ELP1: variants seen among roughly 807,000 people sequenced by gnomAD.
ELP1 encodes elongator complex protein 1.
In ELP1, 131 loss-of-function variants were observed where a neutral mutation model predicts 183.2. That is an observed-to-expected ratio of 0.72 (90% CI 0.62 to 0.83). The LOEUF (loss-of-function observed/expected upper bound fraction) is 0.83, where lower values mean the gene tolerates loss of function less well. Among genes scored for constraint, ELP1 ranks in the 40% least tolerant of loss-of-function variants. The probability of loss-of-function intolerance (pLI) is 0.00; values close to 1 mark genes in which losing one functional copy is unlikely to be tolerated. For synonymous variants in ELP1, 555 were observed against 569.0 expected (o/e 0.98, Z 0.35); for missense variants, 1,550 against 1,594.9 (o/e 0.97, Z 0.48).
chr9:108,923,237 T>C (rs1319917544), intron 5 of ELP1, among the ~76,000 whole-genome samples: 1 of 152,130 alleles, frequency 6.6e-6, no homozygotes, highest in Non-Finnish European at 1.5e-5. Context: ...CTGGACATGA[T>C]GGCACACACC....
chr9:108,898,511 G>T lies in ELP1; in HGVS notation c.2354C>A (p.Thr785Lys), dbSNP rs1324308503. The change falls in exon 22 of 37, where the codon ACA becomes AAA. Residue 785 changes from threonine to lysine, a missense_variant. Coordinates refer to ENST00000374647, the MANE Select transcript of ELP1 (RefSeq NM_003640.5). ...TATTCAAAATACTTACTTCAATTCT[G>T]TAAAAAACAAGTTAATATGATTCAC... is the stretch of plus-strand genomic sequence containing the variant. ...DSVNHINLFF[T>K]ELKEEDVTKT... The T allele has an allele frequency of 6.4e-7, 1 of 1,550,716 alleles. No homozygotes were observed. Among genetic ancestry groups the T allele is most frequent in the Admixed American group, 1.7e-5 (1 of 59,486 alleles).
chr9:108,872,823 A>C lies in ELP1; in HGVS notation c.3931+2072T>G, dbSNP rs1490708463. 2.4e-3 allele frequency among the ~76,000 whole-genome samples: 189 copies of C among 77,956 alleles called. 2 individuals carry two copies. The highest frequency in any genetic ancestry group is 5.1e-3 in the African/African-American group (174 of 34,282). 51.1% of individuals were successfully genotyped at this position (77,956 alleles called of 152,430 possible). On this transcript the variant is annotated intron_variant, in intron 36 of 36. Coordinates refer to ENST00000374647, the MANE Select transcript of ELP1 (RefSeq NM_003640.5). ...CTGTCTGAAAAAAAAAAAAAAAAAA[A>C]AAAAAAAAAAAAAAAACTAGTTACA...
At position 108,912,397 on chromosome 9, in the gene ELP1, G is replaced by T. The variant is rs747463750; in HGVS notation, c.1056C>A (p.Asp352Glu). Residue 352 changes from aspartate to glutamate, a missense_variant, in exon 11 of 37, where the codon GAC becomes GAA. Physicochemically the swap from Asp to Glu is conservative, Grantham distance 45. Transcript: ENST00000374647. The part of the protein sequence containing the change: ...GKSKIVSLMW[D>E]PVTPYRLHVL... ...CATGCAGCCGGTATGGGGTCACAGG[G>T]TCCCACATCAGAGACACAATCTTGC... The T allele has an allele frequency of 6.2e-7, 1 of 1,614,096 alleles. No individual in the cohort carries two copies. The highest frequency in any genetic ancestry group is 2.2e-5 in the East Asian group (1 of 44,876).
chr9:108,917,795 A>T (rs776613564), intron 8 of ELP1, 125 bp from the exon 9 acceptor site: 4 of 1,102,768 alleles, frequency 3.6e-6, no homozygotes, highest in Non-Finnish European at 5.5e-6. Flanking sequence ...GAATATCTTT[A>T]TCCAAGGAAG....
Position 108,880,040 on chromosome 9 carries a change from G to A in ELP1, c.3460+12C>T, listed in dbSNP as rs576315331. ...GCCCCCGCACGTCGATGGCCTTCAC[G>A]CAGATACTCACCCAGACCTGCCTGC... On this transcript the variant is annotated intron_variant, in intron 32 of 36. Transcript: ENST00000374647. The A allele has an allele frequency of 2.3e-5, 36 of 1,563,556 alleles. No homozygotes were observed. The highest frequency in any genetic ancestry group is 1.8e-4 in the South Asian group (16 of 90,080).
chr9:108,892,993 T>C lies in ELP1; in HGVS notation c.2951A>G (p.Gln984Arg), dbSNP rs371186754. ...TTTTCACATACCACATACCTGGTAC[T>C]GTTGTGAGCTTGGTGAATATAACTT... ...ALKLYSPSSQ[Q>R]YQDISIAYGE... is the part of the protein sequence containing the mutation. Residue 984 changes from glutamine to arginine, a missense_variant, in exon 27 of 37, where the codon CAG becomes CGG. By Grantham distance (43) the Gln-to-Arg change is conservative. Coordinates refer to ENST00000374647, the MANE Select transcript of ELP1 (RefSeq NM_003640.5). 21 of 1,611,372 alleles carry C rather than the reference T, an allele frequency of 1.3e-5. No homozygotes were observed. Among genetic ancestry groups the C allele is most frequent in the Non-Finnish European group, 1.7e-5 (20 of 1,177,596 alleles).
intron 26 of ELP1, among the ~76,000 whole-genome samples, chr9:108,893,375 ACATG>A: frequency 6.6e-6 from 1 of 152,330 alleles, no homozygotes; most frequent in African/African-American, 2.4e-5. Context: ...CTTATTAGAC[ACATG>A]CACGCCTCAG....
intron 28 of ELP1, chr9:108,889,594 C>A (rs1479210094): frequency 6.4e-6 from 4 of 620,510 alleles, no homozygotes; most frequent in East Asian, 5.6e-5. Flanking sequence ...TCATATACAG[C>A]CAAAATTAGC....
Position 108,874,950 on chromosome 9 carries a change from A to C in ELP1, c.3876T>G (p.Thr1292=), listed in dbSNP as rs61749202. Residue 1292 remains threonine, a synonymous_variant, in exon 36 of 37, where the codon ACT becomes ACG. Transcript: ENST00000374647. ...SATPVLGPNS[T]ANSIMASYQQ... ...GATAAGATGCCATGATACTATTTGC[A>C]GTAGAATTGGGACCTAGAACCTGAG... is the stretch of plus-strand genomic sequence containing the variant. 0.015 allele frequency: 24,493 copies of C among 1,611,554 alleles called. 262 individuals carry two copies. Among genetic ancestry groups the C allele is most frequent in the Middle Eastern group, 0.049 (297 of 6,058 alleles).
At chr9:108,891,954 T>C (rs1292700028) in intron 27 of ELP1, among the ~76,000 whole-genome samples, 8 of 152,014 alleles carry the variant, frequency 5.3e-5, no homozygotes, top group Non-Finnish European at 7.4e-5. Flanking sequence ...GGACGGCCAG[T>C]GTGACTAGAG....
chr9:108,890,881 TC>T (rs1828303170), intron 28 of ELP1, among the ~76,000 whole-genome samples: 1 of 152,088 alleles, frequency 6.6e-6, no homozygotes, highest in African/African-American at 2.4e-5. Flanking sequence ...TTCTAACTTC[TC>T]CCCACTCTCC....
intron 14 of ELP1, among the ~76,000 whole-genome samples, chr9:108,904,170 CTAA>C (rs1452367151): frequency 6.6e-6 from 1 of 151,960 alleles, no homozygotes; most frequent in Non-Finnish European, 1.5e-5. Context: ...TGGATTTTCA[CTAA>C]TGAGATGAAG....
At chr9:108,898,457 A>G in intron 22 of ELP1, 45 bp downstream of exon 22, 1 of 1,216,016 alleles carries the variant, frequency 8.2e-7, no homozygotes, top group Non-Finnish European at 1.2e-6. Context: ...ACAAGAAGAG[A>G]GAAAACTATG....
chr9:108,879,945 G>A, intron 32 of ELP1, 107 bp downstream of exon 32: 1 of 789,236 alleles, frequency 1.3e-6, no homozygotes, highest in Admixed American at 1.9e-5. Context: ...ACTTGCCCAT[G>A]GCACAGTAAT....
rs1379847365 is a variant in ELP1, at chr9:108,931,127, A to C, written c.20T>G (p.Phe7Cys). 34 of 1,614,014 alleles carry C rather than the reference A, an allele frequency of 2.1e-5. No homozygotes were observed. Among genetic ancestry groups the C allele is most frequent in the Non-Finnish European group, 2.4e-5 (28 of 1,180,002 alleles). Reference sequence around the variant, plus strand: ...AATATCCCTGAACTCCAGGGTCCGAAATAATTTCAGATTTCGCATGATGAA... The same window carrying C: ...AATATCCCTGAACTCCAGGGTCCGACATAATTTCAGATTTCGCATGATGAA... Reference protein sequence around the residue: MRNLKLFRTLEFRDIQG... With the variant: MRNLKLCRTLEFRDIQG... The change falls in exon 2 of 37, where the codon TTT becomes TGT. Residue 7 changes from phenylalanine (F) to cysteine (C), a missense_variant. Physicochemically the swap from Phe to Cys is radical, Grantham distance 205. Coordinates refer to ENST00000374647, the MANE Select transcript of ELP1 (RefSeq NM_003640.5).
chr9:108,909,845 G>A (rs1157723916), intron 12 of ELP1, among the ~76,000 whole-genome samples: 2 of 152,120 alleles, frequency 1.3e-5, no homozygotes, highest in African/African-American at 2.4e-5. Flanking sequence ...CAAGTAAAAT[G>A]AATGCAGGGT....
intron 1 of ELP1, among the ~76,000 whole-genome samples, chr9:108,932,030 A>T (rs566109544): frequency 3.7e-4 from 56 of 152,308 alleles, no homozygotes; most frequent in Middle Eastern, 3.4e-3. Flanking sequence ...TATGATTGTA[A>T]GTCCCTAACT....
In ELP1 at chr9:108,897,159, T is replaced by C. The variant is rs2230794; in HGVS notation, c.2490A>G (p.Ile830Met). Residue 830 changes from isoleucine (I) to methionine (M), a missense_variant, in exon 23 of 37, where the codon ATA (isoleucine) becomes ATG (methionine). Ile to Met is a conservative substitution (Grantham distance 10, BLOSUM62 1). Transcript: ENST00000374647. ...GACAGCATACATACTTATGAGGATT[T>C]ATGCTCTCCATGACTGCTCTCATAG... Reference protein sequence around the residue: ...CDAMRAVMESINPHKYCLSIL... With the variant: ...CDAMRAVMESMNPHKYCLSIL... 88,074 of 1,613,950 alleles carry C rather than the reference T, an allele frequency of 0.055. 3,369 individuals carry two copies. Among genetic ancestry groups the C allele is most frequent in the Admixed American group, 0.18 (10,520 of 60,018 alleles).
chr9:108,872,490 G>C (rs1315131704), intron 36 of ELP1, among the ~76,000 whole-genome samples: 1 of 152,070 alleles, frequency 6.6e-6, no homozygotes, highest in East Asian at 1.9e-4. Flanking sequence ...ATTAAAGTTG[G>C]AATAAGACTT....
Sources: allele counts gnomAD v4.1 joint callset (sites outside exome capture counted in the v4.1 genomes callset), GRCh38; gene constraint gnomAD v4.1.1; transcripts MANE v1.5; gene names NCBI Gene and HGNC (gene_info 2026-07-23, HGNC 2026-07-21).